Variants in CUL2 observed in about 807,000 individuals in gnomAD.
The protein encoded by CUL2 is cullin-2.
A neutral mutation model predicts 110.2 loss-of-function variants in CUL2; 22 were observed. That is an observed-to-expected ratio of 0.20 (90% CI 0.14 to 0.28). The LOEUF is 0.28. Among genes scored for constraint, CUL2 ranks in the 10% least tolerant of loss-of-function variants. CUL2 has a pLI of 1.00. For missense variants in CUL2, 631 were observed against 905.5 expected (o/e 0.70, Z 3.89); for synonymous variants, 279 against 293.2 (o/e 0.95, Z 0.49).
chr10:35,020,276 G>A (rs375688497), intron 17 of CUL2, among the ~76,000 whole-genome samples: 3 of 152,300 alleles, frequency 2.0e-5, no homozygotes, highest in South Asian at 2.1e-4. Context: ...TGAGAAGTGG[G>A]GAGGTGGAAG....
chr10:35,031,214 G>C lies in CUL2; in HGVS notation c.1386+86C>G. The C allele has an allele frequency of 1.2e-6, 1 of 821,044 alleles. No individual in the cohort carries two copies. Among genetic ancestry groups the C allele is most frequent in the Non-Finnish European group, 1.9e-6 (1 of 515,998 alleles). The allele number at this position is 821,044 out of a possible 1,614,324, so 50.9% of individuals were successfully genotyped here. ...CATTTAACCAGATGAATTGTTTCCT[G>C]TTACTGTACACAATGCTGCAATGAA... On this transcript the variant is annotated intron_variant, in intron 14 of 20. Transcript: ENST00000374749. This position sits in a 1 kb window ranked among gnomAD's most constrained non-coding sequence, Gnocchi z 4.4.
chr10:35,107,860 C>G (rs926970466), intron 1 of CUL2, among the ~76,000 whole-genome samples: 1 of 105,406 alleles, frequency 9.5e-6, no homozygotes, highest in Non-Finnish European at 1.7e-5. Flanking sequence ...CCAGCCTGGG[C>G]AACAGAGCGA....
chr10:35,023,067 G>A (rs1279878865), intron 17 of CUL2, among the ~76,000 whole-genome samples: 1 of 152,058 alleles, frequency 6.6e-6, no homozygotes, highest in Non-Finnish European at 1.5e-5. Context: ...AAAGAAAATT[G>A]CTGTGACAGT....
chr10:35,042,673 T>C (rs556837111), intron 8 of CUL2, among the ~76,000 whole-genome samples: 43 of 152,126 alleles, frequency 2.8e-4, no homozygotes, highest in Non-Finnish European at 4.7e-4. Flanking sequence ...GCACTCATGG[T>C]GATTTCAGAC....
chr10:35,074,107 A>C (rs1326067653), intron 1 of CUL2: 1 of 1,260,930 alleles, frequency 7.9e-7, no homozygotes, highest in Non-Finnish European at 1.1e-6. Context: ...CCAAGCTCTG[A>C]GGATACAGTG....
intron 1 of CUL2, among the ~76,000 whole-genome samples, chr10:35,103,329 TTTTA>T (rs1286814526): frequency 0.024 from 1,932 of 81,706 alleles, 69 homozygotes; most frequent in Middle Eastern, 0.034. Context: ...TTTTTTTTTT[TTTTA>T]TTTTTTTTTG....
chr10:35,053,732 TGTCTCCTAA>T (rs2086172598), intron 5 of CUL2, among the ~76,000 whole-genome samples: 1 of 152,214 alleles, frequency 6.6e-6, no homozygotes, highest in Non-Finnish European at 1.5e-5. Context: ...CTACCTTAAA[TGTCTCCTAA>T]TGCTGCCTCT....
At chr10:35,049,621 T>C (rs1588999749) in intron 6 of CUL2, 62 bp downstream of exon 6, 1 of 1,425,564 alleles carries the variant, frequency 7.0e-7, no homozygotes, top group Non-Finnish European at 9.8e-7. Context: ...TTGTACACTA[T>C]TTTAAAACCA....
At chr10:35,022,209 A>G (rs867177367) in intron 17 of CUL2, among the ~76,000 whole-genome samples, 28 of 152,322 alleles carry the variant, frequency 1.8e-4, no homozygotes, top group Admixed American at 3.3e-4. Context: ...GAATTTTACA[A>G]CAATAAAGAG....
chr10:35,033,422 C>T (rs1393790384), intron 10 of CUL2, 149 bp from the exon 11 acceptor site: 6 of 602,108 alleles, frequency 1.0e-5, no homozygotes, highest in African/African-American at 5.6e-5. Flanking sequence ...TTAGCTAAGA[C>T]GGTCTTAGAA....
chr10:35,039,050 T>A lies in CUL2; in HGVS notation c.747A>T (p.Arg249=). The change falls in exon 9 of 21, where the codon CGA becomes CGT. Residue 249 remains arginine (R), a synonymous_variant. Coordinates refer to ENST00000374749, the MANE Select transcript of CUL2 (RefSeq NM_003591.4). ...AACTTGGATGTAGGTATTTTCGACA[T>A]CGAATTTCTTCATCTTTTAATCTAC... ...VLGRLKDEEI[R]CRKYLHPSSY... is the part of the protein sequence containing the mutation. 6.2e-7 allele frequency: 1 copy of A among 1,604,218 alleles called. No homozygotes were observed. Among genetic ancestry groups the A allele is most frequent in the South Asian group, 1.1e-5 (1 of 89,288 alleles).
intron 4 of CUL2, among the ~76,000 whole-genome samples, chr10:35,057,202 G>A (rs927325904): frequency 2.0e-5 from 3 of 152,168 alleles, no homozygotes; most frequent in Non-Finnish European, 2.9e-5. Context: ...TCTTGAGCCA[G>A]GTATTGATTT....
At chr10:35,088,289 C>CATG (rs1360292945) in intron 1 of CUL2, among the ~76,000 whole-genome samples, 1 of 152,078 alleles carries the variant, frequency 6.6e-6, no homozygotes, top group Non-Finnish European at 1.5e-5. Context: ...GAGGGCGGAT[C>CATG]ATGAGGTCAA....
rs184578023 is a variant in CUL2, at chr10:35,041,805, G to C, written c.715-2723C>G. Among the ~76,000 whole-genome samples, 602 of 152,272 alleles carry C rather than the reference G, an allele frequency of 4.0e-3. 2 individuals are homozygous for C. The highest frequency in any genetic ancestry group is 5.3e-3 in the Non-Finnish European group (363 of 68,028). On this transcript the variant is annotated intron_variant, in intron 8 of 20. Coordinates refer to ENST00000374749, the MANE Select transcript of CUL2 (RefSeq NM_003591.4). ...GCCCGCCTCAGCCTCCCAAAGTGCT[G>C]CAATTACAGGTCTGAGCCACCGTGC...
upstream of CUL2, among the ~76,000 whole-genome samples, chr10:35,095,526 C>G (rs561535518): frequency 4.3e-4 from 66 of 151,984 alleles, no homozygotes; most frequent in Middle Eastern, 3.4e-3. Context: ...TGATTTTGAT[C>G]TTTATGAAAA....
At chr10:35,113,896 A>G in intron 1 of CUL2, among the ~76,000 whole-genome samples, 1 of 149,492 alleles carries the variant, frequency 6.7e-6, no homozygotes, top group Admixed American at 6.7e-5. Flanking sequence ...TTATTTTTTA[A>G]ATTATTATTA....
intron 1 of CUL2, among the ~76,000 whole-genome samples, chr10:35,114,725 T>C (rs2087570998): frequency 6.6e-6 from 1 of 152,192 alleles, no homozygotes; most frequent in South Asian, 2.1e-4. Context: ...ATACACTATA[T>C]GTTCACAAAA....
chr10:35,115,489 G>A (rs2087582932), intron 1 of CUL2, among the ~76,000 whole-genome samples: 1 of 152,110 alleles, frequency 6.6e-6, no homozygotes, highest in Admixed American at 6.5e-5. Context: ...GAACCTGGGA[G>A]GCAGAGGTTG....
At chr10:35,038,837 A>G (rs1341146772) in intron 9 of CUL2, 83 bp downstream of exon 9, 2 of 761,054 alleles carry the variant, frequency 2.6e-6, no homozygotes, top group East Asian at 2.8e-5. Flanking sequence ...TTACTAAAAT[A>G]GGCATTAAAT....
Sources: allele counts gnomAD v4.1 joint callset (sites outside exome capture counted in the v4.1 genomes callset), GRCh38; gene constraint gnomAD v4.1.1; non-coding constraint Gnocchi (gnomAD v3.1); transcripts MANE v1.5; gene names NCBI Gene and HGNC (gene_info 2026-07-23, HGNC 2026-07-21).